Variants in INPP4B observed in about 807,000 individuals in gnomAD.
The protein encoded by INPP4B is inositol polyphosphate-4-phosphatase type II B.
Under a neutral mutation model 122.5 loss-of-function variants are expected in INPP4B, and 55 were observed. That is an observed-to-expected ratio of 0.45 (90% CI 0.36 to 0.56). The LOEUF (loss-of-function observed/expected upper bound fraction) is 0.56, where lower values mean the gene tolerates loss of function less well. Ranked by LOEUF, INPP4B falls within the 20% of genes least tolerant of loss-of-function variation. The probability of loss-of-function intolerance (pLI) is 0.00; values close to 1 mark genes in which losing one functional copy is unlikely to be tolerated. For synonymous variants in INPP4B, 403 were observed against 388.7 expected (o/e 1.04, Z -0.43); for missense variants, 1,000 against 1,097.7 (o/e 0.91, Z 1.26).
At chr4:142,668,112 C>T (rs1756422900) in intron 2 of INPP4B, among the ~76,000 whole-genome samples, 2 of 152,046 alleles carry the variant, frequency 1.3e-5, no homozygotes, top group South Asian at 4.2e-4. Flanking sequence ...TCCTGATTAA[C>T]ATAAATGCAA....
intron 25 of INPP4B, among the ~76,000 whole-genome samples, chr4:142,042,813 G>A (rs978306383): frequency 1.6e-4 from 24 of 151,888 alleles, no homozygotes; most frequent in Non-Finnish European, 2.9e-5. Context: ...CGCCCACCTC[G>A]GCCTCCCAAA....
At chr4:142,719,660 A>C (rs1483058369) in intron 2 of INPP4B, among the ~76,000 whole-genome samples, 3 of 152,064 alleles carry the variant, frequency 2.0e-5, no homozygotes, top group Non-Finnish European at 4.4e-5. Context: ...AAAATGAGAT[A>C]CTTTTACTAA....
chr4:142,793,514 C>T (rs1167860015), intron 1 of INPP4B, among the ~76,000 whole-genome samples: 1 of 152,026 alleles, frequency 6.6e-6, no homozygotes, highest in Non-Finnish European at 1.5e-5. Flanking sequence ...TCAAGCCCTG[C>T]AAGTAAGAAA....
At chr4:142,445,674 A>G (rs1162150502) in intron 3 of INPP4B, among the ~76,000 whole-genome samples, 1 of 152,152 alleles carries the variant, frequency 6.6e-6, no homozygotes, top group African/African-American at 2.4e-5. Flanking sequence ...CTTAGACAAC[A>G]CTACCAACAA....
chr4:142,541,713 T>G (rs1315540569), intron 2 of INPP4B, among the ~76,000 whole-genome samples: 2 of 152,298 alleles, frequency 1.3e-5, no homozygotes, highest in Non-Finnish European at 2.9e-5. Flanking sequence ...GTGTGCTTGC[T>G]CAGCTCCTGC....
intron 2 of INPP4B, among the ~76,000 whole-genome samples, chr4:142,608,710 C>T (rs1048831398): frequency 2.0e-5 from 3 of 152,170 alleles, no homozygotes; most frequent in African/African-American, 4.8e-5. Flanking sequence ...AGACCAGTTT[C>T]GTTGAGTCCC....
intron 2 of INPP4B, among the ~76,000 whole-genome samples, chr4:142,558,326 T>G (rs999987432): frequency 6.6e-6 from 1 of 152,114 alleles, no homozygotes; most frequent in African/African-American, 2.4e-5. Flanking sequence ...AGCACTTATT[T>G]GTCCTGCACC....
At chr4:142,304,328 T>C (rs1462275132) in intron 9 of INPP4B, among the ~76,000 whole-genome samples, 1 of 152,150 alleles carries the variant, frequency 6.6e-6, no homozygotes, top group Non-Finnish European at 1.5e-5. Context: ...TAAAGATTTT[T>C]ATATGTTTTC....
At chr4:142,377,968 A>G (rs1268325631) in intron 7 of INPP4B, among the ~76,000 whole-genome samples, 1 of 152,120 alleles carries the variant, frequency 6.6e-6, no homozygotes, top group Non-Finnish European at 1.5e-5. Context: ...AAACTGCTAA[A>G]TCTTATCTTG....
At chr4:142,203,053 T>G (rs555654732) in intron 14 of INPP4B, among the ~76,000 whole-genome samples, 5 of 152,204 alleles carry the variant, frequency 3.3e-5, no homozygotes, top group South Asian at 2.1e-4. Context: ...CCAAAGAGAA[T>G]CCACGAGTGA....
chr4:142,844,214 T>G lies in INPP4B; in HGVS notation c.-254+1995A>C, dbSNP rs141987465. Among the ~76,000 whole-genome samples the G allele has an allele frequency of 1.3e-4, 20 of 152,324 alleles. No individual in the cohort carries two copies. In the East Asian group the frequency reaches 3.5e-3, roughly 26 times the overall value. On this transcript the variant is annotated intron_variant, in intron 1 of 25. Coordinates refer to ENST00000262992, the MANE Select transcript of INPP4B (RefSeq NM_001101669.3). ...ACTAAATGGTCTATCTGGTTGTTCT[T>G]ACACTTTATAAAGAGTCAAAAGCAA...
chr4:142,714,700 T>G (rs1203639069), intron 2 of INPP4B, among the ~76,000 whole-genome samples: 1 of 152,182 alleles, frequency 6.6e-6, no homozygotes, highest in Non-Finnish European at 1.5e-5. Flanking sequence ...ATAAAGGCCC[T>G]TTTTGCCTTG....
intron 23 of INPP4B, among the ~76,000 whole-genome samples, chr4:142,098,452 T>C (rs1328351615): frequency 6.6e-6 from 1 of 152,138 alleles, no homozygotes; most frequent in African/African-American, 2.4e-5. Flanking sequence ...ACTTTGGATG[T>C]AGTGGATACG....
At chr4:142,800,227 A>C (rs1031526950) in intron 1 of INPP4B, among the ~76,000 whole-genome samples, 6 of 152,154 alleles carry the variant, frequency 3.9e-5, no homozygotes, top group Non-Finnish European at 7.4e-5. Context: ...CAACCTTAGC[A>C]ATAACAGAAA....
At chr4:142,246,779 ACCCT>A (rs1729097534) in intron 11 of INPP4B, among the ~76,000 whole-genome samples, 2 of 152,178 alleles carry the variant, frequency 1.3e-5, no homozygotes, top group Admixed American at 6.5e-5. Flanking sequence ...CTATCTGAAT[ACCCT>A]TTATTTCCTT....
At chr4:142,591,535 C>T (rs1737489218) in intron 2 of INPP4B, among the ~76,000 whole-genome samples, 1 of 152,032 alleles carries the variant, frequency 6.6e-6, no homozygotes, top group South Asian at 2.1e-4. Context: ...TTTGTAGAAA[C>T]TCAGCCCTCA....
At chr4:142,635,417 T>C (rs957693466) in intron 2 of INPP4B, among the ~76,000 whole-genome samples, 7 of 152,156 alleles carry the variant, frequency 4.6e-5, no homozygotes, top group Non-Finnish European at 7.4e-5. Flanking sequence ...TTAATGTTCA[T>C]TGCAGCACTA....
At chr4:142,144,993 TA>T (rs1485965145) in intron 18 of INPP4B, among the ~76,000 whole-genome samples, 1 of 152,028 alleles carries the variant, frequency 6.6e-6, no homozygotes, top group African/African-American at 2.4e-5. Flanking sequence ...TCCAAACACT[TA>T]AAGTACCCAG....
At chr4:142,151,140 T>C (rs1813684552) in intron 17 of INPP4B, among the ~76,000 whole-genome samples, 1 of 152,218 alleles carries the variant, frequency 6.6e-6, no homozygotes, top group Non-Finnish European at 1.5e-5. Context: ...TCTGTAATAC[T>C]GCAAACCTTT....
Sources: allele counts gnomAD v4.1 joint callset (sites outside exome capture counted in the v4.1 genomes callset), GRCh38; gene constraint gnomAD v4.1.1; transcripts MANE v1.5; gene names NCBI Gene and HGNC (gene_info 2026-07-23, HGNC 2026-07-21).